Variants in SNTA1 observed in about 807,000 individuals in gnomAD.
SNTA1 encodes syntrophin alpha 1, also known as alpha-1-syntrophin.
In SNTA1, 31 loss-of-function variants were observed where a neutral mutation model predicts 47.1. The observed-to-expected ratio is 0.66, with a 90% confidence interval of 0.49 to 0.89. The LOEUF (loss-of-function observed/expected upper bound fraction) is 0.89, where lower values mean the gene tolerates loss of function less well. Among genes scored for constraint, SNTA1 ranks in the 40% least tolerant of loss-of-function variants. The pLI, the probability that SNTA1 is intolerant of heterozygous loss-of-function variation, is 0.00. For missense variants in SNTA1, 575 were observed against 693.0 expected, an observed-to-expected ratio of 0.83 and a Z score of 1.91; for synonymous variants, 300 against 313.6, an observed-to-expected ratio of 0.96 and a Z score of 0.46.
At chr20:33,418,792 CAAAAAAAAAAA>C (rs760390793) in intron 2 of SNTA1, among the ~76,000 whole-genome samples, 722 of 57,422 alleles carry the variant, frequency 0.013, 7 homozygotes, top group Middle Eastern at 0.016. Context: ...GACTCTGTCT[CAAAAAAAAAAA>C]AAAAAAAAAA....
intron 3 of SNTA1, among the ~76,000 whole-genome samples, chr20:33,416,499 G>A (rs1989878235): frequency 6.6e-6 from 1 of 152,018 alleles, no homozygotes; most frequent in Admixed American, 6.6e-5. Flanking sequence ...TCCCCTCTCT[G>A]TCCTCATCTA....
At chr20:33,436,342 A>G (rs1408902585) in intron 2 of SNTA1, among the ~76,000 whole-genome samples, 1 of 152,224 alleles carries the variant, frequency 6.6e-6, no homozygotes, top group Non-Finnish European at 1.5e-5. Context: ...CAAGTCAACT[A>G]AAATATGACA....
chr20:33,418,179 A>T (rs1490576685), intron 2 of SNTA1, among the ~76,000 whole-genome samples: 9 of 151,078 alleles, frequency 6.0e-5, no homozygotes, highest in Admixed American at 6.0e-4. Context: ...CATTTTCCCC[A>T]TGGTTAATAG....
chr20:33,415,399 G>A (rs1466665122), intron 3 of SNTA1, among the ~76,000 whole-genome samples: 1 of 152,214 alleles, frequency 6.6e-6, no homozygotes, highest in African/African-American at 2.4e-5. Flanking sequence ...GCTCACCCCT[G>A]TAATCCCAGC....
At chr20:33,431,295 A>G (rs370393588) in intron 2 of SNTA1, among the ~76,000 whole-genome samples, 2 of 152,206 alleles carry the variant, frequency 1.3e-5, no homozygotes, top group East Asian at 3.9e-4. Flanking sequence ...AAATATATAT[A>G]TATGAGTTTT....
intron 2 of SNTA1, among the ~76,000 whole-genome samples, chr20:33,437,199 G>A (rs1990462105): frequency 6.6e-6 from 1 of 151,360 alleles, no homozygotes; most frequent in African/African-American, 2.4e-5. Context: ...GGAGACGGAG[G>A]TTGCAGTGAG....
At position 33,422,234 on chromosome 20, in the gene SNTA1, A is replaced by G. The variant is rs1053425988; in HGVS notation, c.497-4311T>C. 1.5e-4 allele frequency among the ~76,000 whole-genome samples: 22 copies of G among 151,598 alleles called. 1 individual carries two copies. The highest frequency in any genetic ancestry group is 2.5e-4 in the Non-Finnish European group (17 of 67,890). On this transcript the variant is annotated intron_variant, in intron 2 of 7. Coordinates refer to ENST00000217381, the MANE Select transcript of SNTA1 (RefSeq NM_003098.3). Reference sequence around the variant, plus strand: ...GGCGGGTGGATCACGAGGTCAGGAGATCGAGACCATCTTGGCCAACGTGGT... The same window carrying G: ...GGCGGGTGGATCACGAGGTCAGGAGGTCGAGACCATCTTGGCCAACGTGGT...
chr20:33,408,277 T>G lies in SNTA1; in HGVS notation c.*230A>C. ...AATATCTCTCTGCAAAAGGCACTGGTGGAGGGGGGCAGCAGGAAGGCCACC... is the reference window on the plus strand; with the variant it reads ...AATATCTCTCTGCAAAAGGCACTGGGGGAGGGGGGCAGCAGGAAGGCCACC... On this transcript the variant is annotated 3_prime_UTR_variant, in exon 8 of 8. Transcript: ENST00000217381. 1 of 584,866 alleles carries G rather than the reference T, an allele frequency of 1.7e-6. No homozygotes were observed. The highest frequency in any genetic ancestry group is 3.1e-6 in the Non-Finnish European group (1 of 323,568). 36.2% of individuals were successfully genotyped at this position (584,866 alleles called of 1,614,324 possible).
At chr20:33,430,382 G>A (rs1232862992) in intron 2 of SNTA1, among the ~76,000 whole-genome samples, 1 of 146,710 alleles carries the variant, frequency 6.8e-6, no homozygotes, top group Admixed American at 7.1e-5. Flanking sequence ...TCCACCTCCT[G>A]GGCTCAAGCA....
intron 2 of SNTA1, among the ~76,000 whole-genome samples, chr20:33,419,451 C>A (rs1362545273): frequency 6.6e-6 from 1 of 152,190 alleles, no homozygotes; most frequent in Non-Finnish European, 1.5e-5. Context: ...GAGTTACAAA[C>A]CCTATTGGGG....
chr20:33,437,405 G>T (rs763096669), intron 2 of SNTA1, among the ~76,000 whole-genome samples: 2 of 146,960 alleles, frequency 1.4e-5, no homozygotes, highest in Non-Finnish European at 3.0e-5. Flanking sequence ...TCCAGCCTGG[G>T]TGATAGAGCA....
intron 6 of SNTA1, among the ~76,000 whole-genome samples, chr20:33,409,539 C>T (rs1989686309): frequency 6.6e-6 from 1 of 152,200 alleles, no homozygotes; most frequent in Middle Eastern, 3.4e-3. Flanking sequence ...CGGCTCACCA[C>T]AACCTCCATC....
chr20:33,418,161 C>T (rs1266896484), intron 2 of SNTA1, among the ~76,000 whole-genome samples: 1 of 151,834 alleles, frequency 6.6e-6, no homozygotes, highest in Non-Finnish European at 1.5e-5. Context: ...CGCCTATATC[C>T]CTTCTCTCAT....
At chr20:33,425,457 T>A (rs935991603) in intron 2 of SNTA1, among the ~76,000 whole-genome samples, 1 of 151,828 alleles carries the variant, frequency 6.6e-6, no homozygotes, top group East Asian at 2.0e-4. Context: ...GCCCAGGAGT[T>A]CAAGACCAGC....
At chr20:33,418,940 CCTGT>C (rs1407926027) in intron 2 of SNTA1, among the ~76,000 whole-genome samples, 3 of 151,818 alleles carry the variant, frequency 2.0e-5, no homozygotes, top group African/African-American at 7.3e-5. Flanking sequence ...AAGGTGAAAC[CCTGT>C]CTCTACTAAT....
chr20:33,443,752 G>A lies in SNTA1; in HGVS notation c.-132C>T. ...GCCGCCACCCTACCCCGGCCGCTGG[G>A]GGAGGAGCTCTGGGGGCGGGGCTAC... is the stretch of plus-strand genomic sequence containing the variant. On this transcript the variant is annotated 5_prime_UTR_variant, in exon 1 of 8. Coordinates refer to ENST00000217381, the MANE Select transcript of SNTA1 (RefSeq NM_003098.3). 2.3e-6 allele frequency: 1 copy of A among 437,638 alleles called. No homozygotes were observed. 27.1% of individuals were successfully genotyped at this position (437,638 alleles called of 1,614,324 possible).
intron 2 of SNTA1, among the ~76,000 whole-genome samples, chr20:33,421,818 A>G (rs1990029202): frequency 6.6e-6 from 1 of 151,132 alleles, no homozygotes; most frequent in South Asian, 2.1e-4. Context: ...TTAGCCAGGC[A>G]TGGTAGTGTG....
intron 2 of SNTA1, among the ~76,000 whole-genome samples, chr20:33,419,249 T>C (rs1312106233): frequency 6.6e-6 from 1 of 152,226 alleles, no homozygotes; most frequent in Non-Finnish European, 1.5e-5. Flanking sequence ...CAGGGCCATC[T>C]GGCTTGCTAG....
chr20:33,423,271 G>C (rs1287375463), intron 2 of SNTA1, among the ~76,000 whole-genome samples: 1 of 152,148 alleles, frequency 6.6e-6, no homozygotes, highest in Non-Finnish European at 1.5e-5. Flanking sequence ...GTCCCAGAGT[G>C]GGGGTGGGGT....
Sources: allele counts gnomAD v4.1 joint callset (sites outside exome capture counted in the v4.1 genomes callset), GRCh38; gene constraint gnomAD v4.1.1; transcripts MANE v1.5; gene names NCBI Gene and HGNC (gene_info 2026-07-23, HGNC 2026-07-21).